The following CSRNP3 variants were observed in gnomAD, a reference collection of about 807,000 sequenced individuals.
The protein encoded by CSRNP3 is cysteine/serine-rich nuclear protein 3.
Under a neutral mutation model 48.0 loss-of-function variants are expected in CSRNP3, and 12 were observed. That is an observed-to-expected ratio of 0.25 (90% CI 0.16 to 0.41). The LOEUF (loss-of-function observed/expected upper bound fraction) is 0.41, where lower values mean the gene tolerates loss of function less well. Ranked by LOEUF, CSRNP3 falls within the 10% of genes least tolerant of loss-of-function variation. The probability of loss-of-function intolerance (pLI) is 1.00; values close to 1 mark genes in which losing one functional copy is unlikely to be tolerated. For missense variants in CSRNP3, 580 were observed against 724.4 expected, an observed-to-expected ratio of 0.80 and a Z score of 2.29; for synonymous variants, 263 against 269.7, an observed-to-expected ratio of 0.98 and a Z score of 0.24.
chr2:165,552,823 T>C (rs1358094001), intron 3 of CSRNP3, among the ~76,000 whole-genome samples: 1 of 152,102 alleles, frequency 6.6e-6, no homozygotes. Context: ...GCCTCCCAAG[T>C]AGCTGGGACT....
chr2:165,598,822 A>G (rs1305582970), intron 4 of CSRNP3, among the ~76,000 whole-genome samples: 1 of 152,210 alleles, frequency 6.6e-6, no homozygotes, highest in African/African-American at 2.4e-5. Context: ...GATTTAATAA[A>G]AAGTGCCCTT....
At chr2:165,659,404 A>G (rs1367988618) in intron 5 of CSRNP3, among the ~76,000 whole-genome samples, 5 of 152,112 alleles carry the variant, frequency 3.3e-5, no homozygotes, top group Admixed American at 3.3e-4. Flanking sequence ...GCAAAACTGA[A>G]TGGGTTGTAG....
Position 165,680,155 on chromosome 2 carries a change from T to C in CSRNP3, c.*402T>C, listed in dbSNP as rs1687509796. On this transcript the variant is annotated 3_prime_UTR_variant, in exon 7 of 7. Coordinates refer to ENST00000651982, the MANE Select transcript of CSRNP3 (RefSeq NM_001172173.2). ...TAATTTTCAATATATCTGAAGATAATGATGACTTTTTAATGTAAAAGTAAT... is the reference window on the plus strand; with the variant it reads ...TAATTTTCAATATATCTGAAGATAACGATGACTTTTTAATGTAAAAGTAAT... 1 of 161,842 alleles carries C rather than the reference T, an allele frequency of 6.2e-6. No individual in the cohort carries two copies. Among genetic ancestry groups the C allele is most frequent in the African/African-American group, 2.4e-5 (1 of 41,790 alleles). 10.0% of individuals were successfully genotyped at this position (161,842 alleles called of 1,614,324 possible).
intron 4 of CSRNP3, among the ~76,000 whole-genome samples, chr2:165,603,140 C>T (rs547989057): frequency 5.3e-5 from 8 of 152,176 alleles, no homozygotes; most frequent in Non-Finnish European, 4.4e-5. Context: ...CATGATCCGC[C>T]CGCCTCGGCC....
rs1321182497 is a variant in CSRNP3 at position 165,681,805 on chromosome 2, G to A, written c.*2052G>A. On this transcript the variant is annotated 3_prime_UTR_variant, in exon 7 of 7. Coordinates refer to ENST00000651982, the MANE Select transcript of CSRNP3 (RefSeq NM_001172173.2). The stretch of plus-strand genomic sequence containing the variant: ...CACATATATATACACATATATGTAT[G>A]TGTGTGTGTGTGTGTGTGTGTGTGT... The A allele has an allele frequency of 1.1e-4, 12 of 113,378 alleles. No individual in the cohort carries two copies. Among genetic ancestry groups the A allele is most frequent in the African/African-American group, 4.3e-4 (12 of 27,820 alleles). The allele number at this position is 113,378 out of a possible 1,614,324, so 7.0% of individuals were successfully genotyped here. A position where few individuals can be genotyped will look rare whatever the true frequency, so the allele number is the denominator to read the frequency against.
intron 3 of CSRNP3, among the ~76,000 whole-genome samples, chr2:165,563,877 A>G (rs973329343): frequency 6.6e-6 from 1 of 152,144 alleles, no homozygotes; most frequent in Admixed American, 6.6e-5. Flanking sequence ...TTAAACAAGT[A>G]CCACATCCCT....
chr2:165,658,242 T>G (rs1367004758), intron 5 of CSRNP3, among the ~76,000 whole-genome samples: 1 of 152,072 alleles, frequency 6.6e-6, no homozygotes, highest in Non-Finnish European at 1.5e-5. Context: ...TATTTACTAT[T>G]GAATATTGTG....
intron 4 of CSRNP3, among the ~76,000 whole-genome samples, chr2:165,600,261 A>T (rs1475560000): frequency 1.4e-5 from 2 of 145,184 alleles, no homozygotes; most frequent in Admixed American, 1.4e-4. Flanking sequence ...AAGGACATGA[A>T]CTCATCACTT....
At chr2:165,495,079 T>G (rs776590780) in intron 2 of CSRNP3, among the ~76,000 whole-genome samples, 151 bp downstream of exon 2, 9 of 152,058 alleles carry the variant, frequency 5.9e-5, no homozygotes, top group Non-Finnish European at 1.2e-4. Flanking sequence ...TTTTGGTTAA[T>G]TAAACTTCAG....
chr2:165,556,296 A>G (rs1268100807), intron 3 of CSRNP3, among the ~76,000 whole-genome samples: 4 of 152,216 alleles, frequency 2.6e-5, no homozygotes, highest in African/African-American at 4.8e-5. Context: ...TATGATGGCA[A>G]TGACTATAGG....
At chr2:165,606,946 G>A (rs965166978) in intron 4 of CSRNP3, among the ~76,000 whole-genome samples, 1 of 152,024 alleles carries the variant, frequency 6.6e-6, no homozygotes, top group Non-Finnish European at 1.5e-5. Flanking sequence ...GATTGCCTTA[G>A]CTACACTCTC....
At chr2:165,625,454 T>C (rs1573927350) in intron 4 of CSRNP3, among the ~76,000 whole-genome samples, 1 of 146,324 alleles carries the variant, frequency 6.8e-6, no homozygotes, top group Non-Finnish European at 1.5e-5. Flanking sequence ...GGCAAAACCC[T>C]GTCTCTAATA....
At chr2:165,567,546 GC>G (rs1237932864) in intron 3 of CSRNP3, among the ~76,000 whole-genome samples, 1 of 152,050 alleles carries the variant, frequency 6.6e-6, no homozygotes, top group Non-Finnish European at 1.5e-5. Context: ...GCTAACATCT[GC>G]TGCTTTGGTA....
intron 3 of CSRNP3, among the ~76,000 whole-genome samples, chr2:165,562,019 A>G (rs888123490): frequency 6.6e-6 from 1 of 152,184 alleles, no homozygotes; most frequent in African/African-American, 2.4e-5. Flanking sequence ...ACACATGCCC[A>G]TGAGTTGACA....
intron 3 of CSRNP3, among the ~76,000 whole-genome samples, chr2:165,587,946 T>G (rs547136760): frequency 1.8e-4 from 27 of 152,320 alleles, no homozygotes; most frequent in Admixed American, 5.2e-4. Context: ...AGGCTTATAT[T>G]AATTCACTGA....
chr2:165,561,029 A>G (rs1685227379), intron 3 of CSRNP3, among the ~76,000 whole-genome samples: 1 of 152,212 alleles, frequency 6.6e-6, no homozygotes, highest in African/African-American at 2.4e-5. Context: ...TTTAAATACT[A>G]TCTGTCTTAC....
chr2:165,648,825 C>T (rs936156034), intron 4 of CSRNP3, among the ~76,000 whole-genome samples: 1 of 152,188 alleles, frequency 6.6e-6, no homozygotes, highest in Non-Finnish European at 1.5e-5. Flanking sequence ...TAAATTTTCA[C>T]ATGCAGCTTT....
chr2:165,577,071 C>G (rs1685462397), intron 3 of CSRNP3, among the ~76,000 whole-genome samples: 1 of 151,186 alleles, frequency 6.6e-6, no homozygotes, highest in South Asian at 2.1e-4. Flanking sequence ...GTTGTCATCT[C>G]AAAATCACAT....
chr2:165,515,994 T>G (rs578062706), intron 2 of CSRNP3, among the ~76,000 whole-genome samples: 1 of 152,024 alleles, frequency 6.6e-6, no homozygotes, highest in African/African-American at 2.4e-5. Flanking sequence ...TTAGTAGAGA[T>G]GAGGTTTCAC....
Sources: allele counts gnomAD v4.1 joint callset (sites outside exome capture counted in the v4.1 genomes callset), GRCh38; gene constraint gnomAD v4.1.1; transcripts MANE v1.5; gene names NCBI Gene and HGNC (gene_info 2026-07-23, HGNC 2026-07-21).